Variants in LSM7 observed in about 807,000 individuals in gnomAD.
The protein encoded by LSM7 is U6 snRNA-associated Sm-like protein LSm7.
LSM7 carries 13 observed loss-of-function variants against 14.1 expected under a neutral mutation model. The ratio of observed to expected loss-of-function variants is 0.92; its 90% CI spans 0.60 to 1.47. The LOEUF (loss-of-function observed/expected upper bound fraction) is 1.47, where lower values mean the gene tolerates loss of function less well. Among genes scored for constraint, LSM7 ranks in the 40% most tolerant of loss-of-function variants. LSM7 has a pLI of 0.00. For missense variants in LSM7, 108 were observed against 140.8 expected (o/e 0.77, Z 1.18); for synonymous variants, 70 against 57.1 (o/e 1.23, Z -1.02).
chr19:2,325,588 C>G (rs1968002167), intron 2 of LSM7, among the ~76,000 whole-genome samples: 1 of 152,242 alleles, frequency 6.6e-6, no homozygotes, highest in Non-Finnish European at 1.5e-5. Flanking sequence ...TGCCTGTCTC[C>G]TCCCAAGGCA....
At chr19:2,323,025 T>C (rs1017279208) in intron 3 of LSM7, among the ~76,000 whole-genome samples, 1 of 151,828 alleles carries the variant, frequency 6.6e-6, no homozygotes, top group Non-Finnish European at 1.5e-5. Context: ...GCTACAAGAA[T>C]AAATCTTGTC....
intron 3 of LSM7, 56 bp downstream of exon 3, chr19:2,324,069 C>A (rs1476351184): frequency 2.5e-6 from 3 of 1,202,476 alleles, no homozygotes; most frequent in African/African-American, 3.1e-5. Context: ...CCGCTGCCCC[C>A]CTCACCCCAC....
Position 2,328,380 on chromosome 19 carries a change from T to TC in LSM7, c.97+6dup, listed in dbSNP as rs1415777322. The TC allele has an allele frequency of 6.2e-7, 1 of 1,613,524 alleles. No homozygotes were observed. On this transcript the variant is annotated splice_region_variant and intron_variant, in intron 2 of 3. Coordinates refer to ENST00000252622, the MANE Select transcript of LSM7 (RefSeq NM_016199.3). ...AGAGGGGGTACCGACAGCGGGAGCCTCCTCACCTTCGCGGCCTCCCTGGAA... is the reference window on the plus strand; with the variant it reads ...AGAGGGGGTACCGACAGCGGGAGCCTCCCTCACCTTCGCGGCCTCCCTGGAA...
At chr19:2,322,438 G>T (rs1384683916) in intron 3 of LSM7, among the ~76,000 whole-genome samples, 2 of 152,208 alleles carry the variant, frequency 1.3e-5, no homozygotes, top group East Asian at 3.9e-4. Flanking sequence ...CTACTCGGGA[G>T]GCTGAGGCAG....
chr19:2,327,170 G>A (rs1968041807), intron 2 of LSM7, among the ~76,000 whole-genome samples: 1 of 152,268 alleles, frequency 6.6e-6, no homozygotes, highest in African/African-American at 2.4e-5. Flanking sequence ...ACAAAGGGAA[G>A]CAGTGTGACC....
intron 3 of LSM7, among the ~76,000 whole-genome samples, chr19:2,323,066 C>G (rs1183254204): frequency 6.6e-6 from 1 of 152,112 alleles, no homozygotes; most frequent in Admixed American, 6.6e-5. Flanking sequence ...GGGCAAGACC[C>G]TCTCTCTCCT....
chr19:2,324,043 C>T, intron 3 of LSM7, 82 bp downstream of exon 3: 1 of 881,236 alleles, frequency 1.1e-6, no homozygotes. Flanking sequence ...CCCCTCGTCC[C>T]ACTGCCCCCC....
chr19:2,323,377 T>A (rs1047656008), intron 3 of LSM7, among the ~76,000 whole-genome samples: 6 of 152,164 alleles, frequency 3.9e-5, no homozygotes, highest in African/African-American at 1.4e-4. Context: ...ACCCCAGCAC[T>A]GTGGGAGGCT....
At chr19:2,326,713 C>T (rs1308361253) in intron 2 of LSM7, among the ~76,000 whole-genome samples, 4 of 152,202 alleles carry the variant, frequency 2.6e-5, no homozygotes, top group Non-Finnish European at 5.9e-5. Context: ...TCAGGTGATC[C>T]ACCTGCCTTA....
chr19:2,321,954 CG>C lies in LSM7; in HGVS notation c.170-133del. On this transcript the variant is annotated intron_variant, in intron 3 of 3. Transcript: ENST00000252622. This position sits in a 1 kb window ranked among gnomAD's most constrained non-coding sequence, Gnocchi z 5.0. ...GCCACGAGCACGCAGGGACCTCAGA[CG>C]GGATGCGCTCTGTGGGGCAGGTCCC... is the stretch of plus-strand genomic sequence containing the variant. 1.2e-6 allele frequency: 1 copy of C among 820,678 alleles called. No homozygotes were observed. The highest frequency in any genetic ancestry group is 1.7e-6 in the Non-Finnish European group (1 of 590,708). 50.8% of individuals were successfully genotyped at this position (820,678 alleles called of 1,614,324 possible). A position where few individuals can be genotyped will look rare whatever the true frequency, so the allele number is the denominator to read the frequency against.
Position 2,321,735 on chromosome 19 carries a change from G to A in LSM7, c.257C>T (p.Pro86Leu), listed in dbSNP as rs779214660. Residue 86 changes from proline (P) to leucine (L), a missense_variant, in exon 4 of 4, where the codon CCG (proline) becomes CTG (leucine). By Grantham distance (98) the Pro-to-Leu change is moderately conservative. Transcript: ENST00000252622. The surrounding 1 kb of genome is among the most constrained non-coding windows in gnomAD (Gnocchi z 5.0). ...GGGGATGGCCTCCATGCCGTCCTGCGGGCAGATTAGCACCACGGACGTGCC... is the reference window on the plus strand; with the variant it reads ...GGGGATGGCCTCCATGCCGTCCTGCAGGCAGATTAGCACCACGGACGTGCC... ...CRGTSVVLIC[P>L]QDGMEAIPNP... The A allele has an allele frequency of 6.4e-6, 10 of 1,569,876 alleles. No individual in the cohort carries two copies. The African/African-American group carries it at 6.8e-5, about 11-fold the overall frequency.
Position 2,321,626 on chromosome 19 carries a change from G to T in LSM7, c.*54C>A, listed in dbSNP as rs1007624127. 1.1e-5 allele frequency: 15 copies of T among 1,350,994 alleles called. No individual in the cohort carries two copies. The highest frequency in any genetic ancestry group is 1.4e-5 in the Non-Finnish European group (15 of 1,047,360). The allele number at this position is 1,350,994 out of a possible 1,614,324, so 83.7% of individuals were successfully genotyped here. A position where few individuals can be genotyped will look rare whatever the true frequency, so the allele number is the denominator to read the frequency against. Reference sequence around the variant, plus strand: ...TGCGGTGGGAGCAGCAGCCAAGTCCGCGGGAAACCGAGCTGCTCGGGCCTG... The same window carrying T: ...TGCGGTGGGAGCAGCAGCCAAGTCCTCGGGAAACCGAGCTGCTCGGGCCTG... On this transcript the variant is annotated 3_prime_UTR_variant, in exon 4 of 4. Coordinates refer to ENST00000252622, the MANE Select transcript of LSM7 (RefSeq NM_016199.3). The surrounding 1 kb of genome is among the most constrained non-coding windows in gnomAD (Gnocchi z 5.0).
chr19:2,324,071 T>G, intron 3 of LSM7, 54 bp downstream of exon 3: 17 of 304,426 alleles, frequency 5.6e-5, no homozygotes, highest in Non-Finnish European at 8.3e-5. Context: ...GCTGCCCCCC[T>G]CACCCCACTA....
Position 2,328,413 on chromosome 19 carries a change from C to G in LSM7, c.71G>C (p.Arg24Pro), listed in dbSNP as rs375189409. 1.9e-6 allele frequency: 3 copies of G among 1,613,836 alleles called. No homozygotes were observed. Among genetic ancestry groups the G allele is most frequent in the African/African-American group, 1.3e-5 (1 of 74,948 alleles). Residue 24 changes from arginine to proline, a missense_variant, in exon 2 of 4, where the codon CGG (arginine) becomes CCG (proline). Physicochemically the swap from Arg to Pro is moderately radical, Grantham distance 103. Transcript: ENST00000252622. ...TTCGCGGCCTCCCTGGAACTTTACC[C>G]GGATCGTCTTGTCGATGTACTTGGA... ...DLSKYIDKTI[R>P]VKFQGGREAS...
chr19:2,328,515 G>T (rs1968092799), intron 1 of LSM7, 38 bp from the exon 2 acceptor site: 3 of 1,610,350 alleles, frequency 1.9e-6, no homozygotes, highest in Non-Finnish European at 2.5e-6. Context: ...CTGGAGCGCG[G>T]CCCGAGCTCC....
intron 2 of LSM7, among the ~76,000 whole-genome samples, chr19:2,327,125 C>T (rs146791692): frequency 2.0e-5 from 3 of 152,334 alleles, no homozygotes; most frequent in African/African-American, 7.2e-5. Context: ...GCTGTTTCAG[C>T]TGCTAAATGG....
chr19:2,326,493 G>GC (rs1466023954), intron 2 of LSM7, among the ~76,000 whole-genome samples: 25 of 152,188 alleles, frequency 1.6e-4, no homozygotes, highest in Non-Finnish European at 7.4e-5. Context: ...GCGCCACCAT[G>GC]CCCAAATAAT....
rs202074950 is a variant in LSM7 at position 2,328,427 on chromosome 19, G to T, written c.57C>A (p.Ile19=). The change falls in exon 2 of 4, where the codon ATC becomes ATA. Residue 19 remains isoleucine, a synonymous_variant. Coordinates refer to ENST00000252622, the MANE Select transcript of LSM7 (RefSeq NM_016199.3). ...KESILDLSKY[I]DKTIRVKFQG... ...GGAACTTTACCCGGATCGTCTTGTCGATGTACTTGGACAAGTCCAAGATGC... is the reference window on the plus strand; with the variant it reads ...GGAACTTTACCCGGATCGTCTTGTCTATGTACTTGGACAAGTCCAAGATGC... 1.2e-6 allele frequency: 2 copies of T among 1,613,938 alleles called. No homozygotes were observed. The highest frequency in any genetic ancestry group is 4.5e-5 in the East Asian group (2 of 44,870).
At position 2,321,672 on chromosome 19, in the gene LSM7, C is replaced by T. The variant is rs749547338; in HGVS notation, c.*8G>A. Reference sequence around the variant, plus strand: ...GCCTGCCCTGCACCCCCCGCGCCCCCGGCCAGGCTAGGCGTCCTGCTGCTG... The same window carrying T: ...GCCTGCCCTGCACCCCCCGCGCCCCTGGCCAGGCTAGGCGTCCTGCTGCTG... On this transcript the variant is annotated 3_prime_UTR_variant, in exon 4 of 4. Transcript: ENST00000252622. This position sits in a 1 kb window ranked among gnomAD's most constrained non-coding sequence, Gnocchi z 5.0. 22 of 1,502,846 alleles carry T rather than the reference C, an allele frequency of 1.5e-5. No individual in the cohort carries two copies. The highest frequency in any genetic ancestry group is 1.8e-4 in the Middle Eastern group (1 of 5,422). 93.1% of individuals were successfully genotyped at this position (1,502,846 alleles called of 1,614,324 possible). A position where few individuals can be genotyped will look rare whatever the true frequency, so the allele number is the denominator to read the frequency against.
Sources: gnomAD v4.1 joint callset for allele counts (sites outside exome capture counted in the v4.1 genomes callset) on GRCh38, gnomAD v4.1.1 for gene constraint, Gnocchi (gnomAD v3.1) non-coding constraint, MANE v1.5 for transcripts, NCBI Gene and HGNC (gene_info 2026-07-23, HGNC 2026-07-21) for gene names.